CALN1: variants seen among roughly 807,000 people sequenced by gnomAD.
CALN1 encodes calneuron 1, also known as calcium-binding protein 8.
CALN1 carries 17 observed loss-of-function variants against 30.6 expected under a neutral mutation model. The observed-to-expected ratio is 0.56, with a 90% CI of 0.38 to 0.83. The LOEUF (loss-of-function observed/expected upper bound fraction) is 0.83. Among genes scored for constraint, CALN1 ranks in the 40% least tolerant of loss-of-function variants. The pLI is 0.00. For missense variants in CALN1, 291 were observed against 354.9 expected (o/e 0.82, Z 1.45); for synonymous variants, 156 against 131.4 (o/e 1.19, Z -1.28).
At chr7:71,898,852 T>A (rs1214198907) in intron 5 of CALN1, among the ~76,000 whole-genome samples, 1 of 152,152 alleles carries the variant, frequency 6.6e-6, no homozygotes. Context: ...AAGAAGACAC[T>A]GGAATAATAT....
intron 3 of CALN1, among the ~76,000 whole-genome samples, chr7:72,184,289 C>A (rs1300445173): frequency 1.7e-4 from 26 of 152,316 alleles, no homozygotes; most frequent in Admixed American, 1.6e-3. Flanking sequence ...GTGACTCTAG[C>A]CCTTACTACC....
intron 2 of CALN1, among the ~76,000 whole-genome samples, chr7:72,352,723 T>C (rs886317187): frequency 6.6e-6 from 1 of 152,020 alleles, no homozygotes; most frequent in African/African-American, 2.4e-5. Context: ...TTTAAGATTC[T>C]AACTTAAAAA....
In CALN1 at chr7:72,286,661, T is replaced by C. The variant is rs552645845; in HGVS notation, c.120-7851A>G. Among the ~76,000 whole-genome samples the C allele has an allele frequency of 5.3e-5, 8 of 152,370 alleles. No homozygotes were observed. The South Asian group carries it at 1.7e-3, about 32-fold the overall frequency. Reference sequence around the variant, plus strand: ...GCTAAGCACTTATGAAACAGTTTTGTTCCCCTGTTAAAATCCTGCAGGGGC... The same window carrying C: ...GCTAAGCACTTATGAAACAGTTTTGCTCCCCTGTTAAAATCCTGCAGGGGC... On this transcript the variant is annotated intron_variant, in intron 2 of 6. Coordinates refer to ENST00000395275, the MANE Select transcript of CALN1 (RefSeq NM_031468.4).
At position 72,181,252 on chromosome 7, in the gene CALN1, T is replaced by G. The variant is rs1007568955; in HGVS notation, c.245-74958A>C. 3.4e-5 allele frequency among the ~76,000 whole-genome samples: 5 copies of G among 148,428 alleles called. No individual in the cohort carries two copies. In the South Asian group the frequency reaches 1.0e-3, roughly 31 times the overall value. On this transcript the variant is annotated intron_variant, in intron 3 of 6. Coordinates refer to ENST00000395275, the MANE Select transcript of CALN1 (RefSeq NM_031468.4). Reference sequence around the variant, plus strand: ...ATATAAAATATATATTATAAACATATAGTTTTTAGTATATATTACAAATAT... The same window carrying G: ...ATATAAAATATATATTATAAACATAGAGTTTTTAGTATATATTACAAATAT...
intron 2 of CALN1, among the ~76,000 whole-genome samples, chr7:72,279,579 G>A (rs924414154): frequency 1.3e-5 from 2 of 152,218 alleles, no homozygotes; most frequent in African/African-American, 2.4e-5. Flanking sequence ...CATCAATGGG[G>A]CTTAGAAGTT....
intron 5 of CALN1, among the ~76,000 whole-genome samples, chr7:72,015,030 C>A (rs1332343756): frequency 6.6e-6 from 1 of 152,202 alleles, no homozygotes; most frequent in East Asian, 1.9e-4. Flanking sequence ...GTTCCATTGC[C>A]TCCAATGCTT....
intron 1 of CALN1, among the ~76,000 whole-genome samples, chr7:72,420,874 G>A (rs572989067): frequency 9.9e-5 from 15 of 151,982 alleles, no homozygotes; most frequent in East Asian, 5.8e-4. Context: ...TCAGCCTCCC[G>A]AAGTGCTGGG....
intron 2 of CALN1, among the ~76,000 whole-genome samples, chr7:72,335,910 C>A (rs531235897): frequency 7.2e-5 from 11 of 152,302 alleles, no homozygotes; most frequent in African/African-American, 2.6e-4. Flanking sequence ...GCTGCCTAGG[C>A]GCCCTCGGAC....
chr7:71,972,020 G>GAAAGAAAGAAAAAAAGAAAGA (rs1562946960), intron 5 of CALN1, among the ~76,000 whole-genome samples: 5 of 114,176 alleles, frequency 4.4e-5, no homozygotes, highest in African/African-American at 1.5e-4. Context: ...AGAAAGAAAA[G>GAAAGAAAGAAAAAAAGAAAGA]AAAGAAAGAA....
chr7:72,226,496 G>C (rs1384446880), intron 3 of CALN1, among the ~76,000 whole-genome samples: 1 of 152,116 alleles, frequency 6.6e-6, no homozygotes, highest in Non-Finnish European at 1.5e-5. Flanking sequence ...TTCATAAGAT[G>C]ACCCAGCTTC....
intron 3 of CALN1, among the ~76,000 whole-genome samples, chr7:72,186,042 G>A (rs754613081): frequency 2.0e-5 from 3 of 152,124 alleles, no homozygotes; most frequent in Non-Finnish European, 2.9e-5. Flanking sequence ...CTAAGAGGAA[G>A]GCCGGAGGGT....
chr7:72,384,688 C>A (rs1226975902), intron 2 of CALN1, among the ~76,000 whole-genome samples: 1 of 151,630 alleles, frequency 6.6e-6, no homozygotes, highest in African/African-American at 2.4e-5. Context: ...GGCCTTAATG[C>A]AAAACACAAA....
At chr7:71,812,926 C>CATT (rs566341266) in intron 5 of CALN1, among the ~76,000 whole-genome samples, 1,816 of 94,260 alleles carry the variant, frequency 0.019, 51 homozygotes, top group East Asian at 0.13. Flanking sequence ...TTATCATCAT[C>CATT]ATCATTATTA....
At chr7:72,336,763 G>A (rs962691141) in intron 2 of CALN1, 30 of 985,172 alleles carry the variant, frequency 3.0e-5, no homozygotes, top group Non-Finnish European at 3.6e-5. Flanking sequence ...CAGCGCGGGG[G>A]GCTTCCTCCG....
intron 5 of CALN1, among the ~76,000 whole-genome samples, chr7:71,850,970 T>C (rs1790603724): frequency 6.6e-6 from 1 of 152,062 alleles, no homozygotes; most frequent in African/African-American, 2.4e-5. Flanking sequence ...CCCAGAGCAT[T>C]GGGAGACTAA....
chr7:71,828,718 A>ATG (rs146892125), intron 5 of CALN1, among the ~76,000 whole-genome samples: 2,175 of 144,332 alleles, frequency 0.015, 18 homozygotes, highest in East Asian at 0.048. Flanking sequence ...ATATATGTAT[A>ATG]TGTGTGTGTG....
chr7:71,852,481 A>AAAG (rs1420754770), intron 5 of CALN1, among the ~76,000 whole-genome samples: 1 of 151,512 alleles, frequency 6.6e-6, no homozygotes, highest in East Asian at 1.9e-4. Context: ...TAAAAAAAAA[A>AAAG]AAAAAAAAAA....
At chr7:72,430,021 T>C (rs772285318) in intron 1 of CALN1, among the ~76,000 whole-genome samples, 163 of 150,976 alleles carry the variant, frequency 1.1e-3, no homozygotes, top group Non-Finnish European at 1.8e-3. Context: ...GGGTTTCACC[T>C]TGTTGGCCAG....
chr7:72,471,104 A>G, the CALN1 span, among the ~76,000 whole-genome samples: 1 of 152,134 alleles, frequency 6.6e-6, no homozygotes, highest in African/African-American at 2.4e-5. Flanking sequence ...ACAAGCAAGC[A>G]CCACCACACT....
Sources: allele counts gnomAD v4.1 joint callset (sites outside exome capture counted in the v4.1 genomes callset), GRCh38; gene constraint gnomAD v4.1.1; transcripts MANE v1.5; gene names NCBI Gene and HGNC (gene_info 2026-07-23, HGNC 2026-07-21).